BFSP1: variants seen among roughly 807,000 people sequenced by gnomAD.
BFSP1 encodes beaded filament structural protein 1, also known as filensin.
Under a neutral mutation model 43.9 loss-of-function variants are expected in BFSP1, and 38 were observed. The observed-to-expected ratio is 0.87, with a 90% CI of 0.67 to 1.14. The LOEUF is 1.14. Ranked by LOEUF, BFSP1 falls within the 50% of genes most tolerant of loss-of-function variation. The probability of loss-of-function intolerance (pLI) is 0.00; values close to 1 mark genes in which losing one functional copy is unlikely to be tolerated. For synonymous variants in BFSP1, 352 were observed against 354.8 expected (o/e 0.99, Z 0.09); for missense variants, 850 against 875.1 (o/e 0.97, Z 0.36).
At chr20:17,565,213 AGT>A (rs1211218568) in intron 1 of BFSP1, among the ~76,000 whole-genome samples, 6 of 152,196 alleles carry the variant, frequency 3.9e-5, no homozygotes, top group Admixed American at 3.9e-4. Flanking sequence ...GTCAGTGGAG[AGT>A]AAGTAGATGA....
intron 1 of BFSP1, among the ~76,000 whole-genome samples, chr20:17,548,010 C>T (rs2034833884): frequency 6.7e-6 from 1 of 149,580 alleles, no homozygotes; most frequent in South Asian, 2.1e-4. Context: ...CAGCCTCCGA[C>T]AGTGCTGGGA....
chr20:17,568,874 CATG>C (rs1214992804), intron 1 of BFSP1, among the ~76,000 whole-genome samples: 36 of 152,140 alleles, frequency 2.4e-4, no homozygotes, highest in Non-Finnish European at 4.4e-5. Flanking sequence ...TGGTCGAGGC[CATG>C]ATGTTCTCGG....
chr20:17,535,941 T>G (rs574251180), upstream of BFSP1, among the ~76,000 whole-genome samples: 1 of 152,204 alleles, frequency 6.6e-6, no homozygotes, highest in African/African-American at 2.4e-5. Context: ...TTATTTTATT[T>G]ATGTATTTAT....
intron 1 of BFSP1, among the ~76,000 whole-genome samples, chr20:17,549,335 C>A (rs2034858053): frequency 1.3e-5 from 2 of 152,184 alleles, no homozygotes; most frequent in Admixed American, 1.3e-4. Flanking sequence ...ACTCATGGTT[C>A]CTTAGGCTGT....
intron 2 of BFSP1, chr20:17,517,009 T>C: frequency 2.6e-6 from 2 of 776,520 alleles, no homozygotes. Context: ...GGATGTGCTT[T>C]GTCTGACTAC....
At chr20:17,535,990 T>A (rs1266542829), upstream of BFSP1, among the ~76,000 whole-genome samples, 1 of 152,112 alleles carries the variant, frequency 6.6e-6, no homozygotes, top group African/African-American at 2.4e-5. Context: ...TTACCCACAC[T>A]GGTCTCGAAC....
At chr20:17,567,340 T>G (rs958530557) in intron 1 of BFSP1, among the ~76,000 whole-genome samples, 5 of 152,240 alleles carry the variant, frequency 3.3e-5, no homozygotes, top group African/African-American at 1.2e-4. Context: ...AGTTCATACA[T>G]ACGCATCTTA....
intron 2 of BFSP1, among the ~76,000 whole-genome samples, chr20:17,516,263 G>C (rs1413817430): frequency 6.6e-6 from 1 of 152,176 alleles, no homozygotes; most frequent in Admixed American, 6.5e-5. Flanking sequence ...GGAGGCAGAG[G>C]TTGCAGTGAG....
chr20:17,536,445 T>C (rs1205826758), intron 1 of BFSP1, among the ~76,000 whole-genome samples: 1 of 152,144 alleles, frequency 6.6e-6, no homozygotes. Context: ...GGTAGGAGGA[T>C]TGCTGGAGCC....
At chr20:17,529,650 A>G (rs2034491337) in intron 1 of BFSP1, among the ~76,000 whole-genome samples, 1 of 152,226 alleles carries the variant, frequency 6.6e-6, no homozygotes, top group South Asian at 2.1e-4. Flanking sequence ...GTATTCCATT[A>G]CATGGAGGAA....
intron 4 of BFSP1, 101 bp downstream of exon 4, chr20:17,511,875 G>A: frequency 4.1e-6 from 4 of 975,908 alleles, no homozygotes; most frequent in South Asian, 3.1e-5. Flanking sequence ...AGTGGACCCT[G>A]GTGGCCGCCC....
At chr20:17,554,929 C>T (rs1458701687) in intron 1 of BFSP1, among the ~76,000 whole-genome samples, 33 of 152,200 alleles carry the variant, frequency 2.2e-4, no homozygotes, top group Non-Finnish European at 2.9e-5. Context: ...CTTTAATAAA[C>T]AATAATGAAT....
At chr20:17,496,230 C>T (rs927425403) in intron 7 of BFSP1, among the ~76,000 whole-genome samples, 1 of 152,256 alleles carries the variant, frequency 6.6e-6, no homozygotes, top group African/African-American at 2.4e-5. Flanking sequence ...ACCATGTTGA[C>T]TCTGGAACAC....
At chr20:17,529,064 A>AGTGTGT (rs11473581) in intron 1 of BFSP1, among the ~76,000 whole-genome samples, 5,925 of 147,178 alleles carry the variant, frequency 0.04, 137 homozygotes, top group African/African-American at 0.064. Context: ...TGGTTAAATA[A>AGTGTGT]GTGTGTGTGT....
chr20:17,526,260 A>G (rs2034421696), intron 1 of BFSP1, among the ~76,000 whole-genome samples: 1 of 142,174 alleles, frequency 7.0e-6, no homozygotes, highest in Non-Finnish European at 1.5e-5. Context: ...ATCACCACCA[A>G]CATCCATCTC....
intron 5 of BFSP1, among the ~76,000 whole-genome samples, chr20:17,501,396 C>G (rs2033796245): frequency 6.6e-6 from 1 of 152,136 alleles, no homozygotes; most frequent in East Asian, 1.9e-4. Context: ...GAAACACCAT[C>G]TCTACTAAAA....
At chr20:17,515,176 C>G (rs971635435) in intron 2 of BFSP1, among the ~76,000 whole-genome samples, 1 of 152,154 alleles carries the variant, frequency 6.6e-6, no homozygotes, top group Admixed American at 6.5e-5. Context: ...CAGCATCCCC[C>G]CACAACCCTG....
chr20:17,522,215 A>T (rs981585100), intron 2 of BFSP1, among the ~76,000 whole-genome samples: 2 of 152,154 alleles, frequency 1.3e-5, no homozygotes, highest in African/African-American at 4.8e-5. Flanking sequence ...CAAATACAAA[A>T]GACCCCAACT....
At chr20:17,495,322 C>G (rs892087770) in intron 7 of BFSP1, among the ~76,000 whole-genome samples, 13 of 152,214 alleles carry the variant, frequency 8.5e-5, no homozygotes, top group African/African-American at 2.9e-4. Context: ...CCAGGCAGAA[C>G]CTACCAAGGT....
Sources: allele counts gnomAD v4.1 joint callset (sites outside exome capture counted in the v4.1 genomes callset), GRCh38; gene constraint gnomAD v4.1.1; transcripts MANE v1.5; gene names NCBI Gene and HGNC (gene_info 2026-07-23, HGNC 2026-07-21).